The following HAPSTR1 variants were observed in gnomAD, a reference collection of about 807,000 sequenced individuals.
The protein encoded by HAPSTR1 is HUWE1 associated protein modifying stress responses.
At chr16:9,092,297 C>G in the HAPSTR1 span, 64 of 1,468,294 alleles carry the variant, frequency 4.4e-5, no homozygotes, top group Non-Finnish European at 5.0e-5. Flanking sequence ...CATCTTGGTA[C>G]CGCTTGGCCG....
the HAPSTR1 span, chr16:9,113,173 C>T: frequency 6.6e-6 from 1 of 151,934 alleles, no homozygotes; most frequent in East Asian, 1.9e-4. Flanking sequence ...TTTGGGCTGT[C>T]AAAATGCACA....
chr16:9,117,627 A>G, the HAPSTR1 span: 1 of 152,712 alleles, frequency 6.5e-6, no homozygotes, highest in African/African-American at 2.4e-5. Context: ...CTGTAGGCCT[A>G]AAGTACTCAG....
At chr16:9,117,297 G>C in the HAPSTR1 span, 1 of 200,248 alleles carries the variant, frequency 5.0e-6, no homozygotes, top group African/African-American at 2.4e-5. Context: ...GCTGTGTTGA[G>C]TATTTTGCTT....
At chr16:9,102,209 A>G in the HAPSTR1 span, among the ~76,000 whole-genome samples, 1 of 152,264 alleles carries the variant, frequency 6.6e-6, no homozygotes, top group East Asian at 1.9e-4. Context: ...TAAAGTAACG[A>G]TGTTGGTTAA....
chr16:9,099,345 C>G, the HAPSTR1 span, among the ~76,000 whole-genome samples: 3 of 151,996 alleles, frequency 2.0e-5, no homozygotes, highest in Admixed American at 6.6e-5. Flanking sequence ...TTAGAGGTGC[C>G]TGCCACCATG....
the HAPSTR1 span, chr16:9,119,545 G>T: frequency 6.6e-6 from 1 of 152,226 alleles, no homozygotes; most frequent in Non-Finnish European, 1.5e-5. Context: ...GAGCATGGCT[G>T]AAGTATTAAA....
At chr16:9,101,827 A>G in the HAPSTR1 span, among the ~76,000 whole-genome samples, 1 of 152,096 alleles carries the variant, frequency 6.6e-6, no homozygotes, top group African/African-American at 2.4e-5. Flanking sequence ...TGTAGCAGAC[A>G]AGAAATTAAA....
chr16:9,099,290 C>T, the HAPSTR1 span, among the ~76,000 whole-genome samples: 1 of 151,836 alleles, frequency 6.6e-6, no homozygotes, highest in Admixed American at 6.6e-5. Flanking sequence ...CTCTGCTTCC[C>T]AGGCTCAAGT....
At chr16:9,106,261 T>A in the HAPSTR1 span, 1 of 151,610 alleles carries the variant, frequency 6.6e-6, no homozygotes, top group South Asian at 2.1e-4. Context: ...GAAAAAAAAG[T>A]AAGGCATATC....
At chr16:9,107,909 C>T in the HAPSTR1 span, 2 of 151,906 alleles carry the variant, frequency 1.3e-5, no homozygotes, top group Non-Finnish European at 2.9e-5. Context: ...AAGAACCTGA[C>T]ATAGGTGTAG....
chr16:9,108,370 G>T, the HAPSTR1 span: 3 of 151,926 alleles, frequency 2.0e-5, no homozygotes, highest in African/African-American at 7.3e-5. Context: ...ATTTTCTGTA[G>T]AGTTGGAGTT....
the HAPSTR1 span, chr16:9,092,319 G>GCCCGGC: frequency 2.4e-4 from 347 of 1,421,076 alleles, no homozygotes; most frequent in African/African-American, 1.9e-3. Context: ...CCCCGCCCGG[G>GCCCGGC]CCCGGCCCCG....
At chr16:9,091,902 G>A in the HAPSTR1 span, 2 of 601,744 alleles carry the variant, frequency 3.3e-6, no homozygotes, top group Non-Finnish European at 5.0e-6. Flanking sequence ...TCGGGGTGCA[G>A]GAGGCCTGGG....
the HAPSTR1 span, among the ~76,000 whole-genome samples, chr16:9,097,297 C>T: frequency 3.4e-5 from 5 of 148,850 alleles, no homozygotes; most frequent in Non-Finnish European, 5.9e-5. Context: ...GGTGGGAGTG[C>T]AGTGGTGCTG....
chr16:9,113,500 T>A, the HAPSTR1 span, among the ~76,000 whole-genome samples: 1 of 152,214 alleles, frequency 6.6e-6, no homozygotes, highest in African/African-American at 2.4e-5. Flanking sequence ...GTTTTGAGCC[T>A]TCCATATTTG....
At chr16:9,115,189 A>G in the HAPSTR1 span, among the ~76,000 whole-genome samples, 9 of 152,286 alleles carry the variant, frequency 5.9e-5, no homozygotes, top group South Asian at 1.9e-3. Flanking sequence ...GATGGAGGGG[A>G]ACGCCAAGGG....
the HAPSTR1 span, among the ~76,000 whole-genome samples, chr16:9,115,491 C>A: frequency 6.6e-6 from 1 of 152,152 alleles, no homozygotes; most frequent in Non-Finnish European, 1.5e-5. Context: ...GTTTCCTGGC[C>A]TGACTCATAC....
chr16:9,091,820 C>T, the HAPSTR1 span: 184 of 392,606 alleles, frequency 4.7e-4, no homozygotes, highest in African/African-American at 3.6e-3. Flanking sequence ...TCGGCCGGGC[C>T]CGGGGGTGGG....
chr16:9,094,247 A>G, the HAPSTR1 span, among the ~76,000 whole-genome samples: 2 of 152,192 alleles, frequency 1.3e-5, no homozygotes, highest in Non-Finnish European at 2.9e-5. Flanking sequence ...TCTTACTGAA[A>G]AAAGGGAAAC....
Sources: allele counts gnomAD v4.1 joint callset (sites outside exome capture counted in the v4.1 genomes callset), GRCh38; gene constraint gnomAD v4.1.1; transcripts MANE v1.5; gene names NCBI Gene and HGNC (gene_info 2026-07-23, HGNC 2026-07-21).